The following CDK19 variants were observed in gnomAD, a reference collection of about 807,000 sequenced individuals.
CDK19 encodes cyclin dependent kinase 19, also known as cyclin-dependent kinase 19.
Under a neutral mutation model 68.3 loss-of-function variants are expected in CDK19, and 20 were observed. The ratio of observed to expected loss-of-function variants is 0.29; its 90% CI spans 0.21 to 0.43. The LOEUF (loss-of-function observed/expected upper bound fraction) is 0.43. CDK19 is among the 20% of genes least tolerant of loss of function. The pLI is 1.00. For synonymous variants in CDK19, 221 were observed against 222.8 expected, an observed-to-expected ratio of 0.99 and a Z score of 0.07; for missense variants, 339 against 623.5, an observed-to-expected ratio of 0.54 and a Z score of 4.86.
intron 1 of CDK19, among the ~76,000 whole-genome samples, chr6:110,792,465 T>C (rs181297513): frequency 3.5e-4 from 47 of 133,120 alleles, no homozygotes; most frequent in African/African-American, 1.3e-3. Flanking sequence ...CTCACTGCAG[T>C]GGCACAATCT....
At chr6:110,720,864 T>C (rs1329140001) in intron 2 of CDK19, among the ~76,000 whole-genome samples, 57 of 129,986 alleles carry the variant, frequency 4.4e-4, no homozygotes, top group African/African-American at 1.6e-3. Flanking sequence ...CTAGACTCTG[T>C]CTCAAAAAAA....
intron 1 of CDK19, among the ~76,000 whole-genome samples, chr6:110,796,783 T>C (rs1781965890): frequency 1.3e-5 from 2 of 150,660 alleles, no homozygotes; most frequent in Non-Finnish European, 3.0e-5. Flanking sequence ...CCAAGGTGGA[T>C]GATCATTTGA....
intron 12 of CDK19, among the ~76,000 whole-genome samples, chr6:110,620,537 C>T (rs1038410926): frequency 6.6e-6 from 1 of 152,116 alleles, no homozygotes; most frequent in African/African-American, 2.4e-5. Flanking sequence ...AATCCTTAGA[C>T]TTAGCTCCTT....
At chr6:110,699,214 C>T (rs539483486) in intron 2 of CDK19, among the ~76,000 whole-genome samples, 2 of 152,178 alleles carry the variant, frequency 1.3e-5, no homozygotes, top group South Asian at 4.2e-4. Context: ...CACCTGAGGT[C>T]AGGAGTTCAA....
rs1304610664 is a variant in CDK19, at chr6:110,623,911, G to GTA, written c.861-551_861-550dup. 5.7e-3 allele frequency among the ~76,000 whole-genome samples: 731 copies of GTA among 127,898 alleles called. 9 individuals carry two copies. Among genetic ancestry groups the GTA allele is most frequent in the African/African-American group, 0.019 (662 of 34,348 alleles). 83.9% of individuals were successfully genotyped at this position (127,898 alleles called of 152,430 possible). The stretch of plus-strand genomic sequence containing the variant: ...TATATGTGTGTGTATATATATATAC[G>GTA]TATATATATATACGTGTATATATAT... On this transcript the variant is annotated intron_variant, in intron 8 of 12. Transcript: ENST00000368911.
At chr6:110,716,503 G>A (rs924175735) in intron 2 of CDK19, among the ~76,000 whole-genome samples, 1 of 152,042 alleles carries the variant, frequency 6.6e-6, no homozygotes, top group African/African-American at 2.4e-5. Context: ...CTGAGGACTC[G>A]GAAACCACAC....
At chr6:110,794,543 A>C (rs1781808816) in intron 1 of CDK19, among the ~76,000 whole-genome samples, 2 of 151,468 alleles carry the variant, frequency 1.3e-5, no homozygotes, top group African/African-American at 4.9e-5. Context: ...CTGGGACTAC[A>C]GGCGCCCACC....
intron 1 of CDK19, among the ~76,000 whole-genome samples, chr6:110,803,682 G>A (rs1782483440): frequency 2.0e-5 from 3 of 152,180 alleles, no homozygotes; most frequent in Admixed American, 1.3e-4. Context: ...TAACTACACT[G>A]AGGTTGGGTG....
chr6:110,766,571 CTG>C (rs2114974786), intron 1 of CDK19, among the ~76,000 whole-genome samples: 1 of 152,060 alleles, frequency 6.6e-6, no homozygotes, highest in South Asian at 2.1e-4. Context: ...GAGCGAGACT[CTG>C]TCTCAAAAAA....
At chr6:110,693,834 T>C (rs967475804) in intron 2 of CDK19, among the ~76,000 whole-genome samples, 6 of 152,118 alleles carry the variant, frequency 3.9e-5, no homozygotes, top group Non-Finnish European at 8.8e-5. Flanking sequence ...AAGACATAAA[T>C]GCTTGGGAGC....
At chr6:110,654,278 T>C (rs1004835044) in intron 4 of CDK19, among the ~76,000 whole-genome samples, 5 of 152,232 alleles carry the variant, frequency 3.3e-5, no homozygotes, top group Admixed American at 6.5e-5. Context: ...CTGTAACAAA[T>C]AGGGCAAAGA....
intron 4 of CDK19, among the ~76,000 whole-genome samples, chr6:110,639,982 G>A (rs924853644): frequency 1.1e-4 from 16 of 152,150 alleles, no homozygotes; most frequent in African/African-American, 3.1e-4. Flanking sequence ...GGAGACCGAG[G>A]CGGGAGACTC....
At chr6:110,787,146 G>T (rs1275591289) in intron 1 of CDK19, among the ~76,000 whole-genome samples, 2 of 152,264 alleles carry the variant, frequency 1.3e-5, no homozygotes, top group East Asian at 1.9e-4. Flanking sequence ...GTCCAGACGG[G>T]CGGATCACTT....
At chr6:110,792,987 G>A (rs1378983244) in intron 1 of CDK19, among the ~76,000 whole-genome samples, 1 of 152,120 alleles carries the variant, frequency 6.6e-6, no homozygotes, top group Admixed American at 6.6e-5. Context: ...GGGAAACTGA[G>A]ATACAGAGAG....
chr6:110,746,209 TAAAC>T lies in CDK19; in HGVS notation c.129-12_129-9del. 6.4e-7 allele frequency: 1 copy of T among 1,566,930 alleles called. No homozygotes were observed. The highest frequency in any genetic ancestry group is 8.7e-7 in the Non-Finnish European group (1 of 1,150,238). On this transcript the variant is annotated splice_polypyrimidine_tract_variant and intron_variant, in intron 1 of 12. Coordinates refer to ENST00000368911, the MANE Select transcript of CDK19 (RefSeq NM_015076.5). ...TATTCCTTTTCATCTTTTCTGCACA[TAAAC>T]AAAAAAACATCATTTTTCCATATAT...
At chr6:110,749,579 C>T (rs1778321901) in intron 1 of CDK19, among the ~76,000 whole-genome samples, 1 of 152,058 alleles carries the variant, frequency 6.6e-6, no homozygotes, top group East Asian at 1.9e-4. Context: ...AGGCTGGTCT[C>T]GAACTCCTGA....
chr6:110,623,145 G>T, intron 9 of CDK19, 145 bp downstream of exon 9: 1 of 690,524 alleles, frequency 1.4e-6, no homozygotes, highest in East Asian at 2.7e-5. Flanking sequence ...CTGAAAGACA[G>T]GGTGACATCT....
chr6:110,779,961 T>C (rs963809797), intron 1 of CDK19, among the ~76,000 whole-genome samples: 4 of 152,086 alleles, frequency 2.6e-5, no homozygotes, highest in African/African-American at 9.7e-5. Context: ...GGCTCACACC[T>C]GTAATCCCAG....
At position 110,755,869 on chromosome 6, in the gene CDK19, T is replaced by C. The variant is rs114702899; in HGVS notation, c.129-9668A>G. Among the ~76,000 whole-genome samples the C allele has an allele frequency of 9.5e-3, 1,442 of 152,148 alleles. 22 individuals are homozygous for C. The highest frequency in any genetic ancestry group is 0.033 in the African/African-American group (1,378 of 41,506). Reference sequence around the variant, plus strand: ...TTAAAGCCAGAGGCAGGGGGATCAATGTAGAAGTTTGAGGAGGGTGGATGA... The same window carrying C: ...TTAAAGCCAGAGGCAGGGGGATCAACGTAGAAGTTTGAGGAGGGTGGATGA... On this transcript the variant is annotated intron_variant, in intron 1 of 12. Coordinates refer to ENST00000368911, the MANE Select transcript of CDK19 (RefSeq NM_015076.5).
Sources: allele counts gnomAD v4.1 joint callset (sites outside exome capture counted in the v4.1 genomes callset), GRCh38; gene constraint gnomAD v4.1.1; transcripts MANE v1.5; gene names NCBI Gene and HGNC (gene_info 2026-07-23, HGNC 2026-07-21).